TCEA3: variants seen among roughly 807,000 people sequenced by gnomAD.
TCEA3 encodes transcription elongation factor A3, also known as transcription elongation factor A protein 3.
TCEA3 carries 36 observed loss-of-function variants against 44.0 expected under a neutral mutation model. The observed-to-expected ratio is 0.82, with a 90% CI of 0.63 to 1.08. The LOEUF (loss-of-function observed/expected upper bound fraction) is 1.08, where lower values mean the gene tolerates loss of function less well. Ranked by LOEUF, TCEA3 falls within the 50% of genes least tolerant of loss-of-function variation. The probability of loss-of-function intolerance (pLI) is 0.00; values close to 1 mark genes in which losing one functional copy is unlikely to be tolerated. For missense variants in TCEA3, 392 were observed against 441.2 expected (o/e 0.89, Z 1.00); for synonymous variants, 162 against 159.7 (o/e 1.01, Z -0.11).
chr1:23,386,307 A>G (rs1347769839), intron 9 of TCEA3, among the ~76,000 whole-genome samples: 1 of 151,104 alleles, frequency 6.6e-6, no homozygotes, highest in Non-Finnish European at 1.5e-5. Flanking sequence ...CTGTAGCCTC[A>G]ACCTCCTGGG....
intron 8 of TCEA3, 91 bp from the exon 9 acceptor site, chr1:23,387,510 G>C (rs1638884970): frequency 2.2e-5 from 31 of 1,403,122 alleles, no homozygotes; most frequent in Non-Finnish European, 2.9e-6. Flanking sequence ...CAGAAAAGGA[G>C]GTAACATGCT....
Position 23,418,952 on chromosome 1 carries a change from T to G in TCEA3, c.132+125A>C, listed in dbSNP as rs75465596. The G allele has an allele frequency of 3.8e-3, 2,211 of 575,184 alleles. 62 individuals carry two copies. In the African/African-American group the frequency reaches 0.052, roughly 13 times the overall value. The allele number at this position is 575,184 out of a possible 1,614,324, so 35.6% of individuals were successfully genotyped here. On this transcript the variant is annotated intron_variant, in intron 2 of 10. Transcript: ENST00000450454. ...TCCCTGGGAGGTCTCCACCTCAAGA[T>G]CCCCTCCCCACAGGCCCCCCTCAGA...
intron 5 of TCEA3, among the ~76,000 whole-genome samples, chr1:23,408,281 C>A (rs1331037041): frequency 6.6e-6 from 1 of 152,138 alleles, no homozygotes; most frequent in African/African-American, 2.4e-5. Context: ...GCTTTCAAGA[C>A]CTCTGTCCCC....
intron 1 of TCEA3, among the ~76,000 whole-genome samples, chr1:23,423,540 CT>C (rs1483824795): frequency 6.6e-6 from 1 of 152,204 alleles, no homozygotes; most frequent in Non-Finnish European, 1.5e-5. Context: ...TAAAACTTCC[CT>C]TAGTGTCTCT....
At chr1:23,424,130 C>T (rs1330825581) in intron 1 of TCEA3, among the ~76,000 whole-genome samples, 1 of 151,892 alleles carries the variant, frequency 6.6e-6, no homozygotes, top group Non-Finnish European at 1.5e-5. Flanking sequence ...GCCCAAGTTT[C>T]TCTGCCACTT....
intron 8 of TCEA3, among the ~76,000 whole-genome samples, chr1:23,388,937 A>G (rs1216492399): frequency 6.6e-6 from 1 of 151,596 alleles, no homozygotes; most frequent in Non-Finnish European, 1.5e-5. Context: ...CCTACTTTGG[A>G]CTCCCGAAGT....
At chr1:23,391,035 C>T (rs1639009374) in intron 8 of TCEA3, among the ~76,000 whole-genome samples, 4 of 151,742 alleles carry the variant, frequency 2.6e-5, no homozygotes, top group Admixed American at 1.3e-4. Context: ...GAAGGGAGTT[C>T]TGAGAGAGAC....
rs530874056 is a variant in TCEA3 at position 23,411,721 on chromosome 1, AC to A, written c.381-2996del. Among the ~76,000 whole-genome samples the A allele has an allele frequency of 1.1e-4, 17 of 152,134 alleles. No homozygotes were observed. The East Asian group carries it at 3.3e-3, about 29-fold the overall frequency. ...AAGGCCAAAGGAATGGGCTCCAGAC[AC>A]CCCTCCCCTCCAGAGCAAGGTTGAA... On this transcript the variant is annotated intron_variant, in intron 4 of 10. Transcript: ENST00000450454.
At chr1:23,408,533 CG>C (rs1038909831) in intron 5 of TCEA3, 130 bp downstream of exon 5, 2 of 894,900 alleles carry the variant, frequency 2.2e-6, no homozygotes, top group Admixed American at 2.7e-5. Context: ...TCTTAGAATA[CG>C]GGGGCAACAT....
chr1:23,384,026 A>G (rs1322121045), intron 10 of TCEA3: 2 of 1,193,498 alleles, frequency 1.7e-6, no homozygotes, highest in Admixed American at 4.4e-5. Flanking sequence ...CAAGTGCAGA[A>G]TGTTTTTCCT....
At chr1:23,408,054 T>C (rs1039343049) in intron 5 of TCEA3, among the ~76,000 whole-genome samples, 5 of 152,044 alleles carry the variant, frequency 3.3e-5, no homozygotes, top group African/African-American at 7.2e-5. Flanking sequence ...CTCTGCCTCC[T>C]GGGTTCAAGC....
intron 7 of TCEA3, among the ~76,000 whole-genome samples, chr1:23,397,005 CAAAAAA>C (rs34931042): frequency 1.6e-4 from 11 of 68,394 alleles, no homozygotes; most frequent in Non-Finnish European, 3.2e-4. Flanking sequence ...AACTCCGTCT[CAAAAAA>C]AAAAAAAAAA....
rs771984940 is a variant in TCEA3, at chr1:23,381,450, A to G, written c.*16T>C. The G allele has an allele frequency of 1.0e-5, 8 of 780,758 alleles. No individual in the cohort carries two copies. The highest frequency in any genetic ancestry group is 9.6e-6 in the Non-Finnish European group (4 of 417,964). 48.4% of individuals were successfully genotyped at this position (780,758 alleles called of 1,614,324 possible). ...CTCTTTCTTCTTCCTCACCTTGTTC[A>G]TGGCTGGCTGTTCCATCAGCAGAAC... On this transcript the variant is annotated 3_prime_UTR_variant, in exon 11 of 11. Transcript: ENST00000450454.
rs770534143 is a variant in TCEA3, at chr1:23,397,788, T to C, written c.607+4A>G. On this transcript the variant is annotated splice_donor_region_variant and intron_variant, in intron 6 of 10. Transcript: ENST00000450454. ...TCCCTCATCCCTAGCCCAGGCTCTC[T>C]CACCGTCCGCCTTCAGGGCTGCTGA... 3 of 1,613,784 alleles carry C rather than the reference T, an allele frequency of 1.9e-6. No individual in the cohort carries two copies. In the Admixed American group the frequency reaches 5.0e-5, roughly 27 times the overall value.
At chr1:23,397,035 G>T (rs1639237641) in intron 7 of TCEA3, among the ~76,000 whole-genome samples, 1 of 149,558 alleles carries the variant, frequency 6.7e-6, no homozygotes. Flanking sequence ...AAAGGGCGCT[G>T]TTAACATCAG....
chr1:23,413,836 A>G (rs994025195), intron 4 of TCEA3, among the ~76,000 whole-genome samples: 1 of 152,040 alleles, frequency 6.6e-6, no homozygotes, highest in Non-Finnish European at 1.5e-5. Flanking sequence ...AACTTTTTAC[A>G]CTAAACACAC....
chr1:23,394,093 G>A, intron 7 of TCEA3, 60 bp from the exon 8 acceptor site: 1 of 1,584,364 alleles, frequency 6.3e-7, no homozygotes, highest in Non-Finnish European at 8.6e-7. Flanking sequence ...TGCAGGCCTG[G>A]CCCTGACGCC....
chr1:23,399,167 T>TATATATATATATATATATATATAG (rs1639320205), intron 5 of TCEA3, among the ~76,000 whole-genome samples: 1 of 131,662 alleles, frequency 7.6e-6, no homozygotes, highest in Non-Finnish European at 1.6e-5. Context: ...TATATATATA[T>TATATATATATATATATATATATAG]ATATATATAT....
At chr1:23,383,241 C>T (rs6658399) in intron 10 of TCEA3, among the ~76,000 whole-genome samples, 127,531 of 148,492 alleles carry the variant, frequency 0.86, 55,379 homozygotes, top group Non-Finnish European at 0.92. Flanking sequence ...GATCACACCA[C>T]TGCACTCCAG....
Sources: gnomAD v4.1 joint callset for allele counts (sites outside exome capture counted in the v4.1 genomes callset) on GRCh38, gnomAD v4.1.1 for gene constraint, MANE v1.5 for transcripts, NCBI Gene and HGNC (gene_info 2026-07-23, HGNC 2026-07-21) for gene names.